Variants in KMO observed in about 807,000 individuals in gnomAD.
KMO encodes kynurenine 3-hydroxylase.
In KMO, 24 loss-of-function variants were observed where a neutral mutation model predicts 57.8. That is an observed-to-expected ratio of 0.42 (90% CI 0.30 to 0.58). The LOEUF is 0.58. Among genes scored for constraint, KMO ranks in the 20% least tolerant of loss-of-function variants. The pLI is 0.22. For missense variants in KMO, 483 were observed against 588.2 expected (o/e 0.82, Z 1.85); for synonymous variants, 210 against 193.6 (o/e 1.08, Z -0.70).
chr1:241,554,989 A>C (rs1333715378), intron 4 of KMO, among the ~76,000 whole-genome samples: 1 of 152,038 alleles, frequency 6.6e-6, no homozygotes, highest in Non-Finnish European at 1.5e-5. Context: ...TTCAAAAAAA[A>C]AAAAAAGTAT....
At position 241,566,518 on chromosome 1, in the gene KMO, A is replaced by G. The variant is rs774625521; in HGVS notation, c.715A>G (p.Met239Val). 2 of 1,613,536 alleles carry G rather than the reference A, an allele frequency of 1.2e-6. No individual in the cohort carries two copies. Among genetic ancestry groups the G allele is most frequent in the African/African-American group, 1.3e-5 (1 of 74,892 alleles). ...CAAATCATTCACATGTACTTTGTTC[A>G]TGCCCTTTGAAGAGTTTGAAAAACT... is the stretch of plus-strand genomic sequence containing the variant. The part of the protein sequence containing the change: ...MNKSFTCTLF[M>V]PFEEFEKLLT... Residue 239 changes from methionine to valine, a missense_variant, in exon 9 of 15, where the codon ATG becomes GTG. Transcript: ENST00000366559.
At chr1:241,538,646 T>C (rs1227620808) in intron 1 of KMO, among the ~76,000 whole-genome samples, 1 of 152,164 alleles carries the variant, frequency 6.6e-6, no homozygotes, top group Non-Finnish European at 1.5e-5. Context: ...TTCTATTTCA[T>C]AGGCTCTGAG....
intron 10 of KMO, among the ~76,000 whole-genome samples, chr1:241,571,744 CT>C (rs1291408107): frequency 7.3e-5 from 11 of 151,420 alleles, no homozygotes; most frequent in Admixed American, 7.2e-4. Flanking sequence ...ATGCAGTTTC[CT>C]TTTTTTGTTA....
At chr1:241,575,413 C>A (rs1378218877) in intron 10 of KMO, among the ~76,000 whole-genome samples, 5 of 152,064 alleles carry the variant, frequency 3.3e-5, no homozygotes, top group Admixed American at 2.6e-4. Context: ...ATGCTATAAA[C>A]TTTCCTTTTA....
intron 8 of KMO, among the ~76,000 whole-genome samples, chr1:241,565,649 C>T (rs963416340): frequency 4.6e-5 from 7 of 151,112 alleles, no homozygotes; most frequent in African/African-American, 1.5e-4. Flanking sequence ...GCTTGAGCCC[C>T]GAAGATGGAG....
In KMO at chr1:241,551,026, C is replaced by T. The variant is rs763299666; in HGVS notation, c.294C>T (p.Pro98=). The change falls in exon 4 of 15, where the codon CCC becomes CCT. Residue 98 remains proline (P), a synonymous_variant. Coordinates refer to ENST00000366559, the MANE Select transcript of KMO (RefSeq NM_003679.5). ...HSLSGKKSAI[P]YGTKSQYILS... ...TTTCAGGAAAAAAGTCTGCAATTCC[C>T]TATGGGACAAAGTCTCAGGTAGGTT... 22 of 1,562,520 alleles carry T rather than the reference C, an allele frequency of 1.4e-5. No homozygotes were observed. In the South Asian group the frequency reaches 1.7e-4, roughly 12 times the overall value.
intron 1 of KMO, among the ~76,000 whole-genome samples, chr1:241,537,691 G>C (rs1047635960): frequency 2.0e-4 from 31 of 152,154 alleles, no homozygotes; most frequent in African/African-American, 7.5e-4. Flanking sequence ...GAGGTCTCAT[G>C]ATGATGGTGA....
Position 241,576,589 on chromosome 1 carries a change from G to C in KMO, c.957+7942G>C, listed in dbSNP as rs535899077. Among the ~76,000 whole-genome samples the C allele has an allele frequency of 4.7e-4, 72 of 152,236 alleles. 1 individual carries two copies. The highest frequency in any genetic ancestry group is 3.4e-3 in the Middle Eastern group (1 of 294). ...TAAGGAGGCTGAAGACAGGACCCCA[G>C]TCCTTGCTGACTTGTAAGATTTCTG... On this transcript the variant is annotated intron_variant, in intron 10 of 14. Coordinates refer to ENST00000366559, the MANE Select transcript of KMO (RefSeq NM_003679.5).
At chr1:241,561,163 C>A (rs1262599757) in intron 6 of KMO, among the ~76,000 whole-genome samples, 1 of 152,154 alleles carries the variant, frequency 6.6e-6, no homozygotes, top group Non-Finnish European at 1.5e-5. Flanking sequence ...GCTATGGATC[C>A]ACGCTCATGG....
chr1:241,586,854 G>C (rs56046140), intron 11 of KMO, 118 bp downstream of exon 11: 5 of 705,654 alleles, frequency 7.1e-6, no homozygotes, highest in Middle Eastern at 3.8e-4. Flanking sequence ...ATCTCCCCAG[G>C]ATTACATATT....
At chr1:241,532,555 T>G in intron 1 of KMO, 57 bp downstream of exon 1, 1 of 1,249,626 alleles carries the variant, frequency 8.0e-7, no homozygotes, top group Non-Finnish European at 1.1e-6. Flanking sequence ...CTATTATTAC[T>G]CGTAATGATT....
At chr1:241,545,549 C>T (rs1476823065) in intron 1 of KMO, among the ~76,000 whole-genome samples, 1 of 152,128 alleles carries the variant, frequency 6.6e-6, no homozygotes, top group Non-Finnish European at 1.5e-5. Context: ...GTCTGATTCC[C>T]CTTTTTATAA....
chr1:241,591,487 G>C (rs1412399685), intron 14 of KMO, among the ~76,000 whole-genome samples: 3 of 151,984 alleles, frequency 2.0e-5, no homozygotes, highest in African/African-American at 7.2e-5. Flanking sequence ...ACTCAGGCTG[G>C]AATGAGCCTC....
At chr1:241,572,762 A>G (rs1371096901) in intron 10 of KMO, among the ~76,000 whole-genome samples, 2 of 152,076 alleles carry the variant, frequency 1.3e-5, no homozygotes, top group Admixed American at 1.3e-4. Context: ...AGTACACTGT[A>G]CCCAATATAG....
intron 1 of KMO, among the ~76,000 whole-genome samples, chr1:241,545,518 C>T (rs1661113347): frequency 6.6e-6 from 1 of 152,144 alleles, no homozygotes; most frequent in Admixed American, 6.5e-5. Flanking sequence ...TGTCTCTTCA[C>T]ATCATCTTTC....
At chr1:241,586,831 T>A in intron 11 of KMO, 95 bp downstream of exon 11, 2 of 828,138 alleles carry the variant, frequency 2.4e-6, no homozygotes, top group Non-Finnish European at 4.0e-6. Context: ...ACCTGTGATG[T>A]ATAATGTATA....
chr1:241,588,667 A>C, intron 11 of KMO, 81 bp from the exon 12 acceptor site: 1 of 931,416 alleles, frequency 1.1e-6, no homozygotes, highest in Non-Finnish European at 1.7e-6. Flanking sequence ...TTGGTAGTGA[A>C]CGTACCATTT....
rs112440609 is a variant in KMO, at chr1:241,565,492, G to A, written c.687+434G>A. ...TACCAGCACTTTGGGAGGCCAAAGC[G>A]GGAGGATTGCTTGAGCTCAGGAGTT... On this transcript the variant is annotated intron_variant, in intron 8 of 14. Transcript: ENST00000366559. Among the ~76,000 whole-genome samples the A allele has an allele frequency of 1.1e-3, 162 of 150,972 alleles. 3 individuals are homozygous for A. The highest frequency in any genetic ancestry group is 3.8e-3 in the African/African-American group (156 of 41,106).
chr1:241,539,081 C>A (rs1451834475), intron 1 of KMO, among the ~76,000 whole-genome samples: 2 of 152,052 alleles, frequency 1.3e-5, no homozygotes, highest in Non-Finnish European at 2.9e-5. Context: ...CATCTGTAGT[C>A]TTAAAAATAG....
Sources: allele counts gnomAD v4.1 joint callset (sites outside exome capture counted in the v4.1 genomes callset), GRCh38; gene constraint gnomAD v4.1.1; transcripts MANE v1.5; gene names NCBI Gene and HGNC (gene_info 2026-07-23, HGNC 2026-07-21).